The following TMTC2 variants were observed in gnomAD, a reference collection of about 807,000 sequenced individuals.
The protein encoded by TMTC2 is protein O-mannosyl-transferase TMTC2.
In TMTC2, 43 loss-of-function variants were observed where a neutral mutation model predicts 82.4. That is an observed-to-expected ratio of 0.52 (90% CI 0.41 to 0.67). The LOEUF is 0.67. TMTC2 is among the 30% of genes least tolerant of loss of function. TMTC2 has a pLI of 0.00. For synonymous variants in TMTC2, 408 were observed against 381.9 expected (o/e 1.07, Z -0.80); for missense variants, 919 against 1,012.4 (o/e 0.91, Z 1.25).
intron 8 of TMTC2, among the ~76,000 whole-genome samples, chr12:82,997,836 T>C (rs1408661565): frequency 6.6e-6 from 1 of 152,110 alleles, no homozygotes; most frequent in Non-Finnish European, 1.5e-5. Flanking sequence ...TATTTCATTC[T>C]TAAAATATGT....
intron 1 of TMTC2, among the ~76,000 whole-genome samples, chr12:82,756,950 A>G (rs1437236719): frequency 6.6e-6 from 1 of 152,146 alleles, no homozygotes; most frequent in Non-Finnish European, 1.5e-5. Context: ...GCTATCTTAG[A>G]AGTACTTAAA....
At chr12:82,992,022 T>TTC (rs1173324177) in intron 8 of TMTC2, among the ~76,000 whole-genome samples, 15 of 152,330 alleles carry the variant, frequency 9.8e-5, no homozygotes, top group Non-Finnish European at 5.9e-5. Flanking sequence ...TATTGGAGAC[T>TTC]CTGACAGTAA....
intron 3 of TMTC2, among the ~76,000 whole-genome samples, chr12:82,901,336 G>T (rs141315011): frequency 7.9e-6 from 1 of 127,222 alleles, no homozygotes; most frequent in Non-Finnish European, 1.6e-5. Flanking sequence ...ACAGATTCTC[G>T]CTCTGTTGCC....
intron 3 of TMTC2, among the ~76,000 whole-genome samples, chr12:82,928,190 A>G (rs992380768): frequency 6.6e-6 from 1 of 152,124 alleles, no homozygotes; most frequent in African/African-American, 2.4e-5. Context: ...TAAGACTACT[A>G]TCAAAATGGG....
chr12:83,031,613 GT>G (rs962299962), intron 9 of TMTC2, among the ~76,000 whole-genome samples: 4 of 152,168 alleles, frequency 2.6e-5, no homozygotes, highest in East Asian at 1.9e-4. Flanking sequence ...GGAAAATGTG[GT>G]TTTTTGATCA....
intron 10 of TMTC2, among the ~76,000 whole-genome samples, chr12:83,053,448 T>A (rs1373405081): frequency 1.3e-5 from 2 of 152,086 alleles, no homozygotes; most frequent in Admixed American, 6.6e-5. Context: ...CATACTGATT[T>A]AACTTACCTT....
At chr12:82,807,521 A>G (rs542760061) in intron 1 of TMTC2, among the ~76,000 whole-genome samples, 1 of 152,134 alleles carries the variant, frequency 6.6e-6, no homozygotes, top group Non-Finnish European at 1.5e-5. Flanking sequence ...ATATGGACTT[A>G]GAAGCATCAG....
chr12:82,713,532 G>A (rs1054393316), intron 1 of TMTC2, among the ~76,000 whole-genome samples: 3 of 152,172 alleles, frequency 2.0e-5, no homozygotes, highest in African/African-American at 4.8e-5. Context: ...AACAAGTCAC[G>A]TCTTATATGG....
At chr12:83,001,525 C>T (rs1031966808) in intron 8 of TMTC2, among the ~76,000 whole-genome samples, 1 of 150,618 alleles carries the variant, frequency 6.6e-6, no homozygotes, top group African/African-American at 2.4e-5. Flanking sequence ...ATCTCAGCTA[C>T]TTGGGAGGCT....
At chr12:82,880,395 T>C (rs1703110) in intron 2 of TMTC2, among the ~76,000 whole-genome samples, 11,592 of 152,242 alleles carry the variant, frequency 0.076, 1,261 homozygotes, top group African/African-American at 0.24. Context: ...TGGCATGAAG[T>C]TGCATGTGTT....
chr12:82,817,363 A>G (rs1232574056), intron 1 of TMTC2, among the ~76,000 whole-genome samples: 2 of 152,026 alleles, frequency 1.3e-5, no homozygotes, highest in African/African-American at 4.8e-5. Context: ...ACCTTTTCCT[A>G]AAGCCATTTT....
At chr12:82,970,158 C>T (rs1318486206) in intron 7 of TMTC2, among the ~76,000 whole-genome samples, 1 of 152,210 alleles carries the variant, frequency 6.6e-6, no homozygotes, top group African/African-American at 2.4e-5. Context: ...CCTGAGCATC[C>T]TTGGGCAAAT....
intron 2 of TMTC2, among the ~76,000 whole-genome samples, chr12:82,858,092 C>T (rs547023710): frequency 6.6e-6 from 1 of 152,212 alleles, no homozygotes; most frequent in South Asian, 2.1e-4. Context: ...ACCTTTTTCT[C>T]GTGATAGTGC....
chr12:82,855,749 C>G (rs1455352022), intron 1 of TMTC2, among the ~76,000 whole-genome samples: 1 of 152,198 alleles, frequency 6.6e-6, no homozygotes, highest in African/African-American at 2.4e-5. Flanking sequence ...TATGTCAGTA[C>G]TTTTGAGTCT....
At chr12:82,811,448 T>G (rs1868382899) in intron 1 of TMTC2, among the ~76,000 whole-genome samples, 1 of 152,054 alleles carries the variant, frequency 6.6e-6, no homozygotes, top group African/African-American at 2.4e-5. Context: ...AGTATTAATT[T>G]AGTTGCTCAC....
rs183164790 is a variant in TMTC2 at position 82,971,789 on chromosome 12, G to A, written c.1948+4792G>A. On this transcript the variant is annotated intron_variant, in intron 7 of 11. Transcript: ENST00000321196. ...CTTGTCATTTCAGTCTATAATAACT[G>A]TTTAGAATAACCTCTGTATGCAAAA... Among the ~76,000 whole-genome samples the A allele has an allele frequency of 8.0e-5, 11 of 138,294 alleles. No individual in the cohort carries two copies. The East Asian group carries it at 1.7e-3, about 22-fold the overall frequency. 90.7% of individuals were successfully genotyped at this position (138,294 alleles called of 152,430 possible).
chr12:82,946,163 T>G (rs1876980708), intron 4 of TMTC2, among the ~76,000 whole-genome samples: 1 of 150,228 alleles, frequency 6.7e-6, no homozygotes, highest in South Asian at 2.1e-4. Flanking sequence ...TCTAGTGAAC[T>G]ATATAATTTA....
chr12:82,886,086 T>C lies in TMTC2; in HGVS notation c.655-9732T>C, dbSNP rs532241422. Among the ~76,000 whole-genome samples the C allele has an allele frequency of 2.0e-5, 3 of 152,366 alleles. No individual in the cohort carries two copies. The Middle Eastern group carries it at 0.01, about 518-fold the overall frequency. ...GTTATAATCCACTGCCACTTTACTT[T>C]TTTTGATGCTCAAATTCTTCCAGCT... On this transcript the variant is annotated intron_variant, in intron 2 of 11. Coordinates refer to ENST00000321196, the MANE Select transcript of TMTC2 (RefSeq NM_152588.3).
chr12:82,845,066 A>G (rs1203587601), intron 1 of TMTC2, among the ~76,000 whole-genome samples: 1 of 149,986 alleles, frequency 6.7e-6, no homozygotes. Context: ...CATTTCTACT[A>G]AAAATACAAC....
Sources: allele counts gnomAD v4.1 joint callset (sites outside exome capture counted in the v4.1 genomes callset), GRCh38; gene constraint gnomAD v4.1.1; transcripts MANE v1.5; gene names NCBI Gene and HGNC (gene_info 2026-07-23, HGNC 2026-07-21).